Variants in TBC1D5 observed in about 807,000 individuals in gnomAD.
The protein encoded by TBC1D5 is TBC1 domain family, member 5.
In TBC1D5, 75 loss-of-function variants were observed where a neutral mutation model predicts 100.3. The ratio of observed to expected loss-of-function variants is 0.75; its 90% CI spans 0.62 to 0.91. The LOEUF is 0.91. Among genes scored for constraint, TBC1D5 ranks in the 40% least tolerant of loss-of-function variants. TBC1D5 has a pLI of 0.00. For synonymous variants in TBC1D5, 323 were observed against 325.6 expected, an observed-to-expected ratio of 0.99 and a Z score of 0.09; for missense variants, 910 against 942.4, an observed-to-expected ratio of 0.97 and a Z score of 0.45.
intron 1 of TBC1D5, among the ~76,000 whole-genome samples, chr3:17,707,287 TG>T (rs138572185): frequency 2.1e-3 from 312 of 152,156 alleles, no homozygotes; most frequent in African/African-American, 7.3e-3. Flanking sequence ...CTCTGTGTTC[TG>T]GGGGAAAAAA....
chr3:17,617,725 G>T (rs754042021), intron 2 of TBC1D5, among the ~76,000 whole-genome samples: 1 of 152,074 alleles, frequency 6.6e-6, no homozygotes, highest in Non-Finnish European at 1.5e-5. Flanking sequence ...CGAAGTTCTC[G>T]TGCCATGGTT....
chr3:17,570,956 C>T (rs1015382277), intron 2 of TBC1D5, among the ~76,000 whole-genome samples: 1 of 151,890 alleles, frequency 6.6e-6, no homozygotes, highest in East Asian at 1.9e-4. Context: ...TACAGGTTTT[C>T]GAGGTGTTTC....
At chr3:17,636,566 C>T (rs979567302) in intron 1 of TBC1D5, among the ~76,000 whole-genome samples, 5 of 151,872 alleles carry the variant, frequency 3.3e-5, no homozygotes, top group East Asian at 1.9e-4. Flanking sequence ...CCGAGGCAGG[C>T]GGATCACAAG....
intron 2 of TBC1D5, among the ~76,000 whole-genome samples, chr3:17,580,519 C>A (rs2096687104): frequency 6.6e-6 from 1 of 152,148 alleles, no homozygotes; most frequent in South Asian, 2.1e-4. Context: ...TAAGAATAAA[C>A]CATCCATGCT....
intron 8 of TBC1D5, among the ~76,000 whole-genome samples, chr3:17,392,596 C>T (rs577599605): frequency 6.6e-5 from 10 of 152,054 alleles, no homozygotes; most frequent in African/African-American, 9.6e-5. Flanking sequence ...CTCCCACTTA[C>T]GGGTGAGAAC....
chr3:17,352,132 C>T (rs563517019), intron 13 of TBC1D5, among the ~76,000 whole-genome samples: 5 of 151,866 alleles, frequency 3.3e-5, no homozygotes, highest in Non-Finnish European at 5.9e-5. Context: ...CATTTAAAGC[C>T]AATTCCTACT....
chr3:17,367,269 AAGTT>A (rs1241870876), intron 13 of TBC1D5, among the ~76,000 whole-genome samples: 3 of 152,200 alleles, frequency 2.0e-5, no homozygotes, highest in Non-Finnish European at 4.4e-5. Context: ...AATCTGCTCT[AAGTT>A]AGAGTTTTTT....
At chr3:17,487,099 A>G (rs2095578623) in intron 3 of TBC1D5, among the ~76,000 whole-genome samples, 1 of 151,190 alleles carries the variant, frequency 6.6e-6, no homozygotes, top group Admixed American at 6.6e-5. Flanking sequence ...TTGTTTAAGT[A>G]AATAATGTTT....
At chr3:17,662,846 A>G (rs2066797608) in intron 1 of TBC1D5, 3 of 152,176 alleles carry the variant, frequency 2.0e-5, no homozygotes, top group Non-Finnish European at 4.4e-5. Context: ...GTATGGCATG[A>G]CACACAAAAA....
chr3:17,157,867 C>A (rs2065728141), exon 22 of TBC1D5: 2 of 152,346 alleles, frequency 1.3e-5, no homozygotes. Context: ...ACCCCCAACT[C>A]CCTGAAGCAG....
chr3:17,285,638 C>A (rs968482099), intron 15 of TBC1D5, among the ~76,000 whole-genome samples: 1 of 152,126 alleles, frequency 6.6e-6, no homozygotes, highest in African/African-American at 2.4e-5. Flanking sequence ...AAAATTGTCA[C>A]CTGACTGGCA....
At chr3:17,325,701 C>T (rs1333529691) in intron 13 of TBC1D5, among the ~76,000 whole-genome samples, 1 of 152,088 alleles carries the variant, frequency 6.6e-6, no homozygotes, top group East Asian at 1.9e-4. Flanking sequence ...ATATGATATT[C>T]TGGAAATGGT....
chr3:17,670,269 G>A (rs1175780547), intron 1 of TBC1D5, among the ~76,000 whole-genome samples: 1 of 152,198 alleles, frequency 6.6e-6, no homozygotes, highest in Non-Finnish European at 1.5e-5. Flanking sequence ...CAAACCTAAT[G>A]TTCTGGGCTC....
At chr3:17,697,870 A>G (rs1227392079) in intron 1 of TBC1D5, among the ~76,000 whole-genome samples, 2 of 152,174 alleles carry the variant, frequency 1.3e-5, no homozygotes, top group East Asian at 1.9e-4. Flanking sequence ...ACAAGGCTAC[A>G]GTAACCAAAA....
At chr3:17,307,465 C>G (rs1198674208) in intron 14 of TBC1D5, among the ~76,000 whole-genome samples, 1 of 152,186 alleles carries the variant, frequency 6.6e-6, no homozygotes, top group African/African-American at 2.4e-5. Flanking sequence ...TAACATACAT[C>G]TGAGGAGATG....
chr3:17,439,200 C>T (rs1176442718), intron 3 of TBC1D5, among the ~76,000 whole-genome samples: 1 of 152,082 alleles, frequency 6.6e-6, no homozygotes, highest in Non-Finnish European at 1.5e-5. Context: ...AATGTAAAGG[C>T]ATCTGTTAAC....
intron 1 of TBC1D5, chr3:17,662,858 T>C (rs765999262): frequency 6.6e-6 from 1 of 152,076 alleles, no homozygotes; most frequent in Admixed American, 6.6e-5. Context: ...ACACAAAAAG[T>C]AGAAACACAG....
chr3:17,736,828 T>C (rs4908968), intron 1 of TBC1D5, among the ~76,000 whole-genome samples: 84,328 of 151,886 alleles, frequency 0.56, 24,092 homozygotes, highest in East Asian at 0.96. Flanking sequence ...CTGAACAACA[T>C]GGTGAAACCC....
At chr3:17,548,557 G>A (rs2096441569) in intron 2 of TBC1D5, among the ~76,000 whole-genome samples, 1 of 152,096 alleles carries the variant, frequency 6.6e-6, no homozygotes, top group South Asian at 2.1e-4. Flanking sequence ...ATCATTATCT[G>A]CCAATCAACA....
Sources: gnomAD v4.1 joint callset for allele counts (sites outside exome capture counted in the v4.1 genomes callset) on GRCh38, gnomAD v4.1.1 for gene constraint, MANE v1.5 for transcripts, NCBI Gene and HGNC (gene_info 2026-07-23, HGNC 2026-07-21) for gene names.